Variants in IP6K1 observed in about 807,000 individuals in gnomAD.
IP6K1 encodes ATP:1D-myo-inositol-hexakisphosphate phosphotransferase.
A neutral mutation model predicts 38.3 loss-of-function variants in IP6K1; 13 were observed. The ratio of observed to expected loss-of-function variants is 0.34; its 90% CI spans 0.22 to 0.54. The LOEUF is 0.54. IP6K1 is among the 20% of genes least tolerant of loss of function. The pLI is 0.92. For missense variants in IP6K1, 397 were observed against 599.8 expected (o/e 0.66, Z 3.53); for synonymous variants, 212 against 229.9 (o/e 0.92, Z 0.70).
chr3:49,734,861 G>A (rs967087546), intron 3 of IP6K1, among the ~76,000 whole-genome samples: 1 of 152,146 alleles, frequency 6.6e-6, no homozygotes, highest in African/African-American at 2.4e-5. Context: ...GAAGAAACAA[G>A]CCCCACCCCT....
intron 1 of IP6K1, among the ~76,000 whole-genome samples, chr3:49,759,627 T>C (rs886144972): frequency 1.3e-5 from 2 of 152,218 alleles, no homozygotes; most frequent in East Asian, 3.8e-4. Context: ...ACCATCTATT[T>C]GAACATCCAT....
chr3:49,782,084 C>T (rs1464545016), intron 1 of IP6K1, among the ~76,000 whole-genome samples: 1 of 151,560 alleles, frequency 6.6e-6, no homozygotes, highest in Non-Finnish European at 1.5e-5. Flanking sequence ...AGAGTAAGAC[C>T]TGTCTCAAAA....
intron 1 of IP6K1, among the ~76,000 whole-genome samples, chr3:49,765,981 C>T (rs533819295): frequency 4.6e-5 from 7 of 151,896 alleles, no homozygotes; most frequent in Admixed American, 2.6e-4. Flanking sequence ...TCAAGACCAT[C>T]CTGGCTAACA....
At chr3:49,770,689 T>C (rs2080949785) in intron 1 of IP6K1, among the ~76,000 whole-genome samples, 1 of 152,086 alleles carries the variant, frequency 6.6e-6, no homozygotes, top group African/African-American at 2.4e-5. Context: ...ACTTCAAGCC[T>C]TGCTAGAAAT....
rs368578216 is a variant in IP6K1 at position 49,742,845 on chromosome 3, C to T, written c.224-4423G>A. On this transcript the variant is annotated intron_variant, in intron 2 of 5. Coordinates refer to ENST00000321599, the MANE Select transcript of IP6K1 (RefSeq NM_153273.4). ...GGTCAAGGCTGTGGTGAGTTGAGAT[C>T]GTGCCACTGCATTCCAGTCTGGGCA... 1.4e-4 allele frequency among the ~76,000 whole-genome samples: 22 copies of T among 151,774 alleles called. No homozygotes were observed. The East Asian group carries it at 2.3e-3, about 16-fold the overall frequency.
intron 4 of IP6K1, among the ~76,000 whole-genome samples, chr3:49,729,795 T>C (rs140489082): frequency 2.6e-4 from 39 of 152,164 alleles, no homozygotes; most frequent in African/African-American, 8.9e-4. Context: ...AGTGGCTGGA[T>C]CCAGAGCTCG....
rs1263334713 is a variant in IP6K1 at position 49,740,842 on chromosome 3, GTTTTTTC to G, written c.224-2427_224-2421del. ...CTTACAACAATCCATTTGAATCCCTGTTTTTTCTTTTTTCTTTTTTTTTTTTTTTGAG... is the reference window on the plus strand; with the variant it reads ...CTTACAACAATCCATTTGAATCCCTGTTTTTTCTTTTTTTTTTTTTTTGAG... On this transcript the variant is annotated intron_variant, in intron 2 of 5. Transcript: ENST00000321599. Among the ~76,000 whole-genome samples, 40 of 148,954 alleles carry G rather than the reference GTTTTTTC, an allele frequency of 2.7e-4. 1 individual carries two copies. The highest frequency in any genetic ancestry group is 2.2e-3 in the East Asian group (11 of 5,078).
At chr3:49,734,333 G>A (rs2080587359) in intron 3 of IP6K1, among the ~76,000 whole-genome samples, 1 of 150,672 alleles carries the variant, frequency 6.6e-6, no homozygotes, top group Non-Finnish European at 1.5e-5. Flanking sequence ...GAAGCCATGT[G>A]CCCTGCAAAT....
intron 3 of IP6K1, among the ~76,000 whole-genome samples, chr3:49,734,758 T>C (rs1050195562): frequency 6.6e-5 from 10 of 152,208 alleles, no homozygotes; most frequent in African/African-American, 2.2e-4. Flanking sequence ...GGTTGACTTA[T>C]TTGCCATGTA....
chr3:49,750,443 C>G (rs1436052481), intron 1 of IP6K1, among the ~76,000 whole-genome samples: 1 of 152,098 alleles, frequency 6.6e-6, no homozygotes, highest in Non-Finnish European at 1.5e-5. Flanking sequence ...GCCTATAATC[C>G]CAGCACTTTG....
In IP6K1 at chr3:49,732,981, G is replaced by C. The variant is rs758339612; in HGVS notation, c.435-9C>G. ...TCTTTGCCTCCTGTGAGCTAAGAAGGAAGAACATACACATCACTAAGAAAC... is the reference window on the plus strand; with the variant it reads ...TCTTTGCCTCCTGTGAGCTAAGAAGCAAGAACATACACATCACTAAGAAAC... On this transcript the variant is annotated splice_polypyrimidine_tract_variant and intron_variant, in intron 3 of 5. Transcript: ENST00000321599. 6.2e-7 allele frequency: 1 copy of C among 1,608,272 alleles called. No individual in the cohort carries two copies. Among genetic ancestry groups the C allele is most frequent in the South Asian group, 1.1e-5 (1 of 90,770 alleles).
At chr3:49,783,074 C>A (rs1318041878) in intron 1 of IP6K1, among the ~76,000 whole-genome samples, 3 of 149,640 alleles carry the variant, frequency 2.0e-5, no homozygotes, top group African/African-American at 7.4e-5. Flanking sequence ...GAGACAAGAT[C>A]ATGCCACTGC....
intron 3 of IP6K1, among the ~76,000 whole-genome samples, chr3:49,737,918 G>C (rs891288116): frequency 3.3e-5 from 5 of 152,274 alleles, no homozygotes; most frequent in South Asian, 2.1e-4. Context: ...CTGTCCTGTG[G>C]GTGGCAAGAC....
At chr3:49,738,874 G>A (rs1216989075) in intron 2 of IP6K1, among the ~76,000 whole-genome samples, 2 of 151,920 alleles carry the variant, frequency 1.3e-5, no homozygotes, top group Admixed American at 6.6e-5. Context: ...CCTCCAAGAC[G>A]GTCCAAAAAA....
chr3:49,748,292 C>T, intron 1 of IP6K1, 124 bp from the exon 2 acceptor site: 1 of 521,268 alleles, frequency 1.9e-6, no homozygotes, highest in Non-Finnish European at 3.5e-6. Context: ...CTAGCACGTA[C>T]AATACTACGT....
At chr3:49,771,214 C>CT in intron 1 of IP6K1, among the ~76,000 whole-genome samples, 1 of 144,086 alleles carries the variant, frequency 6.9e-6, no homozygotes, top group African/African-American at 2.6e-5. Flanking sequence ...AAAAAAAAAC[C>CT]CTGCCAGGCA....
rs2080483758 is a variant in IP6K1, at chr3:49,724,927, C to T, written c.*2195G>A. Reference sequence around the variant, plus strand: ...CACCCCAACCCATGATCCCATGTTGCACTTTGTTCCCAAGTTGGGGCTAAG... The same window carrying T: ...CACCCCAACCCATGATCCCATGTTGTACTTTGTTCCCAAGTTGGGGCTAAG... On this transcript the variant is annotated 3_prime_UTR_variant, in exon 6 of 6. Transcript: ENST00000321599. The T allele has an allele frequency of 1.3e-5, 2 of 152,830 alleles. No homozygotes were observed. Among genetic ancestry groups the T allele is most frequent in the Admixed American group, 6.5e-5 (1 of 15,290 alleles). The allele number at this position is 152,830 out of a possible 1,614,324, so 9.5% of individuals were successfully genotyped here. A position where few individuals can be genotyped will look rare whatever the true frequency, so the allele number is the denominator to read the frequency against.
At chr3:49,743,214 T>C (rs1325345704) in intron 2 of IP6K1, among the ~76,000 whole-genome samples, 2 of 144,048 alleles carry the variant, frequency 1.4e-5, no homozygotes, top group Admixed American at 7.2e-5. Context: ...AGCAAGACCC[T>C]ATCTCAAAAC....
At chr3:49,780,309 TACACAC>T (rs71080553) in intron 1 of IP6K1, among the ~76,000 whole-genome samples, 20 of 117,614 alleles carry the variant, frequency 1.7e-4, no homozygotes, top group East Asian at 1.7e-3. Context: ...TCATCTTTCA[TACACAC>T]ACACACACAC....
Sources: allele counts gnomAD v4.1 joint callset (sites outside exome capture counted in the v4.1 genomes callset), GRCh38; gene constraint gnomAD v4.1.1; transcripts MANE v1.5; gene names NCBI Gene and HGNC (gene_info 2026-07-23, HGNC 2026-07-21).